The following CD200 variants were observed in gnomAD, a reference collection of about 807,000 sequenced individuals.
CD200 encodes the protein CD200 molecule.
CD200 carries 15 observed loss-of-function variants against 30.9 expected under a neutral mutation model. The ratio of observed to expected loss-of-function variants is 0.49; its 90% CI spans 0.32 to 0.75. The LOEUF (loss-of-function observed/expected upper bound fraction) is 0.75, where lower values mean the gene tolerates loss of function less well. Among genes scored for constraint, CD200 ranks in the 30% least tolerant of loss-of-function variants. The pLI, the probability that CD200 is intolerant of heterozygous loss-of-function variation, is 0.03. For missense variants in CD200, 262 were observed against 324.2 expected (o/e 0.81, Z 1.47); for synonymous variants, 134 against 126.2 (o/e 1.06, Z -0.41).
At chr3:112,359,472 G>A (rs2081695693) in intron 5 of CD200, among the ~76,000 whole-genome samples, 1 of 152,174 alleles carries the variant, frequency 6.6e-6, no homozygotes, top group African/African-American at 2.4e-5. Flanking sequence ...GGGGATGAAA[G>A]GAGGGCATGG....
chr3:112,342,366 T>C (rs1009588320), intron 2 of CD200, among the ~76,000 whole-genome samples: 1,788 of 29,690 alleles, frequency 0.06, 269 homozygotes, highest in African/African-American at 0.081. Context: ...TCTTTCTTTC[T>C]TTCTTTCTTT....
At chr3:112,350,487 G>A (rs938966089) in intron 5 of CD200, among the ~76,000 whole-genome samples, 4 of 151,948 alleles carry the variant, frequency 2.6e-5, no homozygotes, top group African/African-American at 4.8e-5. Flanking sequence ...CCTCATAAAC[G>A]CCAGTCTAAG....
Position 112,347,830 on chromosome 3 carries a change from G to A in CD200, c.694G>A (p.Gly232Ser), listed in dbSNP as rs1280603822. ...CGACTTTAAGCAAACCGTCAACAAA[G>A]GTAAGAGAAAGTGAGCAAGGTGGCT... ...VTDFKQTVNK[G>S]YWFSVPLLLS... Residue 232 changes from glycine (G) to serine (S), a missense_variant and splice_region_variant, in exon 4 of 6, where the codon GGC (glycine) becomes AGC (serine). Gly to Ser is a moderately conservative substitution (Grantham distance 56). Coordinates refer to ENST00000315711, the MANE Select transcript of CD200 (RefSeq NM_005944.7). 6.2e-7 allele frequency: 1 copy of A among 1,612,200 alleles called. No homozygotes were observed. Among genetic ancestry groups the A allele is most frequent in the South Asian group, 1.1e-5 (1 of 90,978 alleles).
intron 5 of CD200, among the ~76,000 whole-genome samples, chr3:112,356,156 A>G (rs1200001052): frequency 6.6e-6 from 1 of 152,180 alleles, no homozygotes; most frequent in Non-Finnish European, 1.5e-5. Context: ...TGACTGACCA[A>G]TGCTGCTAGT....
intron 5 of CD200, among the ~76,000 whole-genome samples, chr3:112,358,328 T>C (rs2081667714): frequency 6.6e-6 from 1 of 151,926 alleles, no homozygotes; most frequent in Admixed American, 6.6e-5. Flanking sequence ...GAGGACCTGC[T>C]ATATAAGTCA....
chr3:112,332,896 G>C, upstream of CD200: 1 of 410,650 alleles, frequency 2.4e-6, no homozygotes, highest in Non-Finnish European at 4.4e-6. Context: ...TCTCAGTCCA[G>C]GTAGCAGGAA....
At chr3:112,343,173 A>T (rs1309137394) in intron 2 of CD200, among the ~76,000 whole-genome samples, 1 of 152,034 alleles carries the variant, frequency 6.6e-6, no homozygotes, top group Non-Finnish European at 1.5e-5. Flanking sequence ...AGAAGGGAAG[A>T]AATTTATATT....
chr3:112,349,407 T>A (rs111503695), intron 4 of CD200, among the ~76,000 whole-genome samples: 1 of 152,212 alleles, frequency 6.6e-6, no homozygotes, highest in South Asian at 2.1e-4. Context: ...CATTTGTTAT[T>A]CTGATTTTGA....
rs2081233874 is a variant in CD200, at chr3:112,341,308, A to G, written c.94+325A>G. On this transcript the variant is annotated intron_variant, in intron 2 of 5. Coordinates refer to ENST00000315711, the MANE Select transcript of CD200 (RefSeq NM_005944.7). Reference sequence around the variant, plus strand: ...TTCCTCTGTTTTTAAATATATGGGAATGCTTGAATTCAATCTTTTTGGAAA... The same window carrying G: ...TTCCTCTGTTTTTAAATATATGGGAGTGCTTGAATTCAATCTTTTTGGAAA... 3.3e-5 allele frequency among the ~76,000 whole-genome samples: 5 copies of G among 152,338 alleles called. No homozygotes were observed. The South Asian group carries it at 1.0e-3, about 32-fold the overall frequency.
At chr3:112,354,550 A>G (rs556109599) in intron 5 of CD200, among the ~76,000 whole-genome samples, 1 of 152,354 alleles carries the variant, frequency 6.6e-6, no homozygotes, top group Non-Finnish European at 1.5e-5. Flanking sequence ...CTACTAACAA[A>G]AGAAGCCAAC....
intron 2 of CD200, 89 bp from the exon 3 acceptor site, chr3:112,344,873 G>T: frequency 8.2e-6 from 8 of 978,196 alleles, no homozygotes; most frequent in Admixed American, 2.4e-5. Flanking sequence ...TTCTATATTT[G>T]ACATTGAATA....
intron 5 of CD200, among the ~76,000 whole-genome samples, chr3:112,352,710 A>C (rs1387421233): frequency 6.6e-6 from 1 of 152,236 alleles, no homozygotes; most frequent in African/African-American, 2.4e-5. Flanking sequence ...TCTGTTAAGT[A>C]AGGTCAATTC....
At chr3:112,349,228 G>A (rs768809703) in intron 4 of CD200, among the ~76,000 whole-genome samples, 5 of 152,176 alleles carry the variant, frequency 3.3e-5, no homozygotes, top group Non-Finnish European at 7.4e-5. Context: ...CAAAAACTTT[G>A]AGATGAGTTA....
chr3:112,343,017 C>G (rs1229042240), intron 2 of CD200, among the ~76,000 whole-genome samples: 1 of 151,842 alleles, frequency 6.6e-6, no homozygotes, highest in African/African-American at 2.4e-5. Flanking sequence ...CTTATGATAT[C>G]TTTATTCATT....
rs775201700 is a variant in CD200, at chr3:112,333,237, G to C, written c.12+13G>C. The C allele has an allele frequency of 1.9e-6, 3 of 1,549,356 alleles. No homozygotes were observed. In the South Asian group the frequency reaches 3.6e-5, roughly 18 times the overall value. On this transcript the variant is annotated intron_variant, in intron 1 of 5. Transcript: ENST00000315711. ...GATGGAGAGGCTGGTGAGCGGGGCC[G>C]GGGCTTGGGAAGGAGGGCGCAGGGC...
At position 112,361,999 on chromosome 3, in the gene CD200, G is replaced by A. The variant is rs565276160; in HGVS notation, c.*449G>A. ...AAAAAAAAGGGAATAAGCAAAGGGG[G>A]AAGAATTGAAAGAGAGAGAGAAGAA... On this transcript the variant is annotated 3_prime_UTR_variant, in exon 6 of 6. Coordinates refer to ENST00000315711, the MANE Select transcript of CD200 (RefSeq NM_005944.7). The A allele has an allele frequency of 6.2e-6, 1 of 161,384 alleles. No individual in the cohort carries two copies. Among genetic ancestry groups the A allele is most frequent in the African/African-American group, 2.4e-5 (1 of 41,748 alleles). 10.0% of individuals were successfully genotyped at this position (161,384 alleles called of 1,614,324 possible). A position where few individuals can be genotyped will look rare whatever the true frequency, so the allele number is the denominator to read the frequency against.
intron 5 of CD200, among the ~76,000 whole-genome samples, chr3:112,357,105 T>TA (rs1559792591): frequency 6.6e-6 from 1 of 151,246 alleles, no homozygotes; most frequent in East Asian, 1.9e-4. Flanking sequence ...ACTAAAAATA[T>TA]AAAAAATTAG....
intron 5 of CD200, among the ~76,000 whole-genome samples, chr3:112,357,921 C>T (rs1368078576): frequency 6.6e-6 from 1 of 152,088 alleles, no homozygotes; most frequent in Non-Finnish European, 1.5e-5. Context: ...GTGAGTTATG[C>T]ATACATTTAA....
chr3:112,352,254 A>C (rs2081546184), intron 5 of CD200, among the ~76,000 whole-genome samples: 1 of 152,216 alleles, frequency 6.6e-6, no homozygotes, highest in African/African-American at 2.4e-5. Flanking sequence ...GACAAAGAAA[A>C]GAGAAAGGAC....
Sources: allele counts gnomAD v4.1 joint callset (sites outside exome capture counted in the v4.1 genomes callset), GRCh38; gene constraint gnomAD v4.1.1; transcripts MANE v1.5; gene names NCBI Gene and HGNC (gene_info 2026-07-23, HGNC 2026-07-21).